The following EIF3A variants were observed in gnomAD, a reference collection of about 807,000 sequenced individuals.
EIF3A encodes EIF3, p180 subunit.
Under a neutral mutation model 186.6 loss-of-function variants are expected in EIF3A, and 21 were observed. The ratio of observed to expected loss-of-function variants is 0.11; its 90% CI spans 0.08 to 0.16. The LOEUF is 0.16. Ranked by LOEUF, EIF3A falls within the 10% of genes least tolerant of loss-of-function variation. The pLI, the probability that EIF3A is intolerant of heterozygous loss-of-function variation, is 1.00. For missense variants in EIF3A, 1,306 were observed against 1,796.3 expected, an observed-to-expected ratio of 0.73 and a Z score of 4.93; for synonymous variants, 563 against 584.3, an observed-to-expected ratio of 0.96 and a Z score of 0.52.
At chr10:119,037,081 C>A in intron 21 of EIF3A, 38 bp downstream of exon 21, 9 of 529,788 alleles carry the variant, frequency 1.7e-5, no homozygotes, top group South Asian at 8.7e-5. Context: ...CCAGAAACGA[C>A]AGTTCTCCAA....
chr10:119,055,943 T>G (rs1295930634), intron 14 of EIF3A, among the ~76,000 whole-genome samples: 3 of 152,052 alleles, frequency 2.0e-5, no homozygotes, highest in Non-Finnish European at 2.9e-5. Flanking sequence ...ATTATTTACA[T>G]GTTAAGAGAA....
intron 19 of EIF3A, among the ~76,000 whole-genome samples, chr10:119,040,919 G>A (rs1199007731): frequency 1.3e-5 from 2 of 150,850 alleles, no homozygotes; most frequent in Non-Finnish European, 2.9e-5. Flanking sequence ...GGCAGGAGAA[G>A]GGCATGAACC....
intron 19 of EIF3A, among the ~76,000 whole-genome samples, chr10:119,039,987 T>C (rs1848186311): frequency 6.6e-6 from 1 of 152,226 alleles, no homozygotes; most frequent in African/African-American, 2.4e-5. Context: ...ATTAGCAAAT[T>C]AGTAAGAATC....
chr10:119,052,093 C>A (rs1054897997), intron 14 of EIF3A, among the ~76,000 whole-genome samples: 1 of 152,194 alleles, frequency 6.6e-6, no homozygotes, highest in Non-Finnish European at 1.5e-5. Context: ...AAAGATTCAT[C>A]TAGCATGTGG....
intron 20 of EIF3A, among the ~76,000 whole-genome samples, chr10:119,037,670 G>A (rs1848151763): frequency 6.6e-6 from 1 of 152,128 alleles, no homozygotes. Flanking sequence ...GAACACTGCT[G>A]GTCTACATTT....
At chr10:119,060,121 G>A (rs978346460) in intron 9 of EIF3A, 2 of 504,584 alleles carry the variant, frequency 4.0e-6, no homozygotes, top group Non-Finnish European at 3.9e-6. Flanking sequence ...AAAGAAAGCA[G>A]GTCAATGAAA....
rs1844073938 is a variant in EIF3A at position 119,071,747 on chromosome 10, T to C, written c.542-662A>G. Among the ~76,000 whole-genome samples, 3 of 152,270 alleles carry C rather than the reference T, an allele frequency of 2.0e-5. No homozygotes were observed. The South Asian group carries it at 6.2e-4, about 32-fold the overall frequency. ...ACTTGTATGAAAGTGAAAATTCAGC[T>C]GGGCGCGATGGCTCACGCCTGTAAT... On this transcript the variant is annotated intron_variant, in intron 4 of 21. Coordinates refer to ENST00000369144, the MANE Select transcript of EIF3A (RefSeq NM_003750.4).
chr10:119,038,130 T>C, intron 20 of EIF3A, 108 bp downstream of exon 20: 1 of 938,918 alleles, frequency 1.1e-6, no homozygotes, highest in Non-Finnish European at 1.7e-6. Context: ...TTGGCCAGGC[T>C]GCTCTCGAAC....
In EIF3A at chr10:119,038,337, T is replaced by C; in HGVS notation, c.3629A>G (p.Asp1210Gly). 6.2e-7 allele frequency: 1 copy of C among 1,614,182 alleles called. No individual in the cohort carries two copies. The highest frequency in any genetic ancestry group is 8.5e-7 in the Non-Finnish European group (1 of 1,179,998). The change falls in exon 20 of 22, where the codon GAC becomes GGC. Residue 1210 changes from aspartate to glycine, a missense_variant. Transcript: ENST00000369144. ...EREWDREKER[D>G]RDNQDREEND... ...CTCCTCCCGATCTTGATTATCTCTG[T>C]CCCTTTCTTTTTCTCTGTCCCATTC...
At position 119,069,060 on chromosome 10, in the gene EIF3A, T is replaced by C. The variant is rs1045720724; in HGVS notation, c.950+386A>G. On this transcript the variant is annotated intron_variant, in intron 6 of 21. Transcript: ENST00000369144. ...AGAATAGACTCCACCTCTATGTGGA[T>C]AGAAAGCTCATCCGTTAAATGTGTT... Among the ~76,000 whole-genome samples, 10 of 152,088 alleles carry C rather than the reference T, an allele frequency of 6.6e-5. No homozygotes were observed. In the East Asian group the frequency reaches 1.7e-3, roughly 26 times the overall value.
In EIF3A at chr10:119,059,634, T is replaced by C. The variant is rs1163958582; in HGVS notation, c.1411A>G (p.Ile471Val). ...TCGCAATGCCTGGCTGCATCTACTA[T>C]GGCCCGTTCCAGTTGGAAAGCATCA... ...FVDAFQLERA[I>V]VDAARHCDLQ... The change falls in exon 10 of 22, where the codon ATA (isoleucine) becomes GTA (valine). Residue 471 changes from isoleucine to valine, a missense_variant. Transcript: ENST00000369144. The C allele has an allele frequency of 5.0e-6, 8 of 1,614,174 alleles. No homozygotes were observed. Among genetic ancestry groups the C allele is most frequent in the East Asian group, 2.2e-5 (1 of 44,890 alleles).
chr10:119,038,563 A>T (rs955556944), intron 19 of EIF3A, 124 bp from the exon 20 acceptor site: 130 of 762,474 alleles, frequency 1.7e-4, no homozygotes, highest in Non-Finnish European at 2.4e-4. Context: ...GACACTGATT[A>T]AAAAAATACT....
intron 17 of EIF3A, among the ~76,000 whole-genome samples, chr10:119,047,906 A>G (rs534292294): frequency 3.4e-4 from 52 of 152,268 alleles, no homozygotes; most frequent in Middle Eastern, 6.8e-3. Context: ...GGCATGCAAG[A>G]TATCCTTGAG....
At chr10:119,073,677 C>T (rs1049412393) in intron 2 of EIF3A, 70 bp downstream of exon 2, 10 of 1,557,536 alleles carry the variant, frequency 6.4e-6, no homozygotes, top group Admixed American at 4.0e-5. Context: ...ATATTCACTT[C>T]GAAAGGTAAG....
intron 12 of EIF3A, 85 bp from the exon 13 acceptor site, chr10:119,057,125 C>A: frequency 1.3e-6 from 1 of 742,466 alleles, no homozygotes; most frequent in South Asian, 1.7e-5. Context: ...GAATAAAATC[C>A]TACATTGCTT....
chr10:119,055,013 C>T (rs1158639097), intron 14 of EIF3A, among the ~76,000 whole-genome samples: 1 of 152,084 alleles, frequency 6.6e-6, no homozygotes, highest in Non-Finnish European at 1.5e-5. Context: ...AGTTCAAGAC[C>T]AGCCCAGCCA....
chr10:119,061,977 T>C (rs1009512918), intron 7 of EIF3A, among the ~76,000 whole-genome samples: 5 of 152,070 alleles, frequency 3.3e-5, no homozygotes, highest in African/African-American at 1.2e-4. Flanking sequence ...AGAGAGTGGG[T>C]GACAAAACTG....
intron 21 of EIF3A, 95 bp downstream of exon 21, chr10:119,037,023 CT>C (rs1380161717): frequency 1.2e-6 from 1 of 860,056 alleles, no homozygotes; most frequent in East Asian, 2.5e-5. Flanking sequence ...TATTGTTGGC[CT>C]TCATACAAAT....
At chr10:119,044,224 T>C in intron 17 of EIF3A, 82 bp from the exon 18 acceptor site, 1 of 950,008 alleles carries the variant, frequency 1.1e-6, no homozygotes, top group Non-Finnish European at 1.7e-6. Context: ...TCAAATATTT[T>C]TTGTACTTAT....
Sources: allele counts gnomAD v4.1 joint callset (sites outside exome capture counted in the v4.1 genomes callset), GRCh38; gene constraint gnomAD v4.1.1; transcripts MANE v1.5; gene names NCBI Gene and HGNC (gene_info 2026-07-23, HGNC 2026-07-21).